Variants in ADGRL3 observed in about 807,000 individuals in gnomAD.
The protein encoded by ADGRL3 is calcium-independent alpha-latrotoxin receptor 3.
A neutral mutation model predicts 153.5 loss-of-function variants in ADGRL3; 62 were observed. That is an observed-to-expected ratio of 0.40 (90% CI 0.33 to 0.50). ADGRL3 has a LOEUF of 0.50. Among genes scored for constraint, ADGRL3 ranks in the 20% least tolerant of loss-of-function variants. The pLI is 0.47. For missense variants in ADGRL3, 1,641 were observed against 1,859.4 expected (o/e 0.88, Z 2.16); for synonymous variants, 710 against 672.5 (o/e 1.06, Z -0.86).
At chr4:61,916,442 C>T (rs1355100926) in intron 13 of ADGRL3, among the ~76,000 whole-genome samples, 1 of 151,532 alleles carries the variant, frequency 6.6e-6, no homozygotes, top group Non-Finnish European at 1.5e-5. Flanking sequence ...CGAATATAGC[C>T]TGGGGAGCAT....
At chr4:61,933,588 A>T (rs1165743654) in intron 13 of ADGRL3, among the ~76,000 whole-genome samples, 1 of 152,304 alleles carries the variant, frequency 6.6e-6, no homozygotes, top group East Asian at 1.9e-4. Context: ...AGTGATGTTG[A>T]TTTTTGGCCA....
At chr4:61,764,050 T>A (rs182558642) in intron 8 of ADGRL3, among the ~76,000 whole-genome samples, 105 of 152,348 alleles carry the variant, frequency 6.9e-4, no homozygotes, top group African/African-American at 2.3e-3. Context: ...TGAAAACTTT[T>A]CACATTCTGT....
intron 17 of ADGRL3, among the ~76,000 whole-genome samples, chr4:61,964,947 A>T (rs1206876399): frequency 6.6e-6 from 1 of 152,074 alleles, no homozygotes; most frequent in East Asian, 1.9e-4. Flanking sequence ...TTTGTTCCAG[A>T]TCACAAAATT....
intron 1 of ADGRL3, among the ~76,000 whole-genome samples, chr4:61,344,953 A>ATT (rs765250878): frequency 5.1e-5 from 7 of 138,228 alleles, no homozygotes; most frequent in African/African-American, 8.0e-5. Context: ...TGCCTGGCTA[A>ATT]TTTTTTTTTT....
intron 2 of ADGRL3, among the ~76,000 whole-genome samples, chr4:61,417,545 G>A (rs765476822): frequency 4.2e-4 from 64 of 150,800 alleles, no homozygotes; most frequent in African/African-American, 1.4e-3. Flanking sequence ...GAGGTCCTTC[G>A]CCATAGACAG....
chr4:61,508,405 C>G (rs2098443593), intron 3 of ADGRL3, among the ~76,000 whole-genome samples: 1 of 152,118 alleles, frequency 6.6e-6, no homozygotes, highest in South Asian at 2.1e-4. Flanking sequence ...TTACTATTCT[C>G]AGCGTATTTT....
intron 9 of ADGRL3, among the ~76,000 whole-genome samples, chr4:61,872,109 C>T (rs990053226): frequency 6.6e-6 from 1 of 152,060 alleles, no homozygotes; most frequent in East Asian, 1.9e-4. Context: ...GTATGTTTAG[C>T]GAAAATTTGA....
intron 1 of ADGRL3, among the ~76,000 whole-genome samples, chr4:61,263,867 T>C (rs559037534): frequency 2.5e-4 from 38 of 151,924 alleles, no homozygotes; most frequent in Non-Finnish European, 4.3e-4. Flanking sequence ...ATAGATAAAA[T>C]AGGCTATGTT....
At chr4:61,492,181 G>A (rs2098266030) in intron 2 of ADGRL3, among the ~76,000 whole-genome samples, 1 of 151,928 alleles carries the variant, frequency 6.6e-6, no homozygotes, top group Non-Finnish European at 1.5e-5. Flanking sequence ...AGAAAACATT[G>A]GCCTCCAAAA....
In ADGRL3 at chr4:62,071,476, T is replaced by G. The variant is rs1745640386; in HGVS notation, c.*568T>G. The G allele has an allele frequency of 5.9e-6, 1 of 170,808 alleles. No individual in the cohort carries two copies. The highest frequency in any genetic ancestry group is 1.3e-5 in the Non-Finnish European group (1 of 79,802). 10.6% of individuals were successfully genotyped at this position (170,808 alleles called of 1,614,324 possible). On this transcript the variant is annotated 3_prime_UTR_variant, in exon 27 of 27. Coordinates refer to ENST00000683033, the MANE Select transcript of ADGRL3 (RefSeq NM_001387552.1). Reference sequence around the variant, plus strand: ...AATGAAATGGAGGGGAATTCTAGAATTATATGCTAAATGCATATTTTATGA... The same window carrying G: ...AATGAAATGGAGGGGAATTCTAGAAGTATATGCTAAATGCATATTTTATGA...
At chr4:61,455,090 T>G (rs2097719338) in intron 2 of ADGRL3, among the ~76,000 whole-genome samples, 1 of 152,134 alleles carries the variant, frequency 6.6e-6, no homozygotes, top group East Asian at 1.9e-4. Context: ...TGGCTTTCCC[T>G]TTTTTGGACC....
At chr4:61,357,468 A>G (rs1386093407) in intron 1 of ADGRL3, among the ~76,000 whole-genome samples, 2 of 152,154 alleles carry the variant, frequency 1.3e-5, no homozygotes, top group Non-Finnish European at 2.9e-5. Flanking sequence ...CAAGTTAACC[A>G]AATCCTAAAA....
At chr4:61,804,365 A>T (rs1372921685) in intron 8 of ADGRL3, among the ~76,000 whole-genome samples, 1 of 152,182 alleles carries the variant, frequency 6.6e-6, no homozygotes, top group Non-Finnish European at 1.5e-5. Context: ...GATCACTTGG[A>T]TTGATGAAAC....
At chr4:61,841,293 A>G (rs533429639) in intron 9 of ADGRL3, among the ~76,000 whole-genome samples, 2 of 138,776 alleles carry the variant, frequency 1.4e-5, no homozygotes, top group Admixed American at 1.5e-4. Context: ...GGTTATTCCA[A>G]TAAGCTGGAG....
At chr4:61,998,742 A>AT (rs1420699828) in intron 21 of ADGRL3, among the ~76,000 whole-genome samples, 2 of 151,552 alleles carry the variant, frequency 1.3e-5, no homozygotes, top group African/African-American at 4.8e-5. Flanking sequence ...TGCCCTGCTA[A>AT]TTTTTTTGTA....
intron 24 of ADGRL3, among the ~76,000 whole-genome samples, chr4:62,039,055 T>C (rs1431094502): frequency 6.6e-6 from 1 of 152,176 alleles, no homozygotes; most frequent in Non-Finnish European, 1.5e-5. Flanking sequence ...GCTCAACCTA[T>C]ATATCTAATT....
rs188582928 is a variant in ADGRL3 at position 61,678,426 on chromosome 4, T to A, written c.583+1491T>A. Among the ~76,000 whole-genome samples, 115 of 152,158 alleles carry A rather than the reference T, an allele frequency of 7.6e-4. 1 individual carries two copies. The highest frequency in any genetic ancestry group is 2.6e-3 in the African/African-American group (106 of 41,564). On this transcript the variant is annotated intron_variant, in intron 6 of 26. Coordinates refer to ENST00000683033, the MANE Select transcript of ADGRL3 (RefSeq NM_001387552.1). Reference sequence around the variant, plus strand: ...TTTTAATTAAAGAATTTCACGGCTGTCTCTTCAATTTCCTGTATTACTTTA... The same window carrying A: ...TTTTAATTAAAGAATTTCACGGCTGACTCTTCAATTTCCTGTATTACTTTA...
intron 10 of ADGRL3, among the ~76,000 whole-genome samples, 171 bp downstream of exon 10, chr4:61,893,129 C>T (rs13151119): frequency 1.4e-5 from 2 of 139,298 alleles, no homozygotes; most frequent in Non-Finnish European, 3.1e-5. Flanking sequence ...CTCTCTTTCT[C>T]TCTTTCTTTC....
At chr4:61,893,384 C>G (rs1355995093) in intron 10 of ADGRL3, among the ~76,000 whole-genome samples, 1 of 152,070 alleles carries the variant, frequency 6.6e-6, no homozygotes, top group East Asian at 1.9e-4. Flanking sequence ...CTCAGCTTTT[C>G]TATACAGCAG....
Sources: gnomAD v4.1 joint callset for allele counts (sites outside exome capture counted in the v4.1 genomes callset) on GRCh38, gnomAD v4.1.1 for gene constraint, MANE v1.5 for transcripts, NCBI Gene and HGNC (gene_info 2026-07-23, HGNC 2026-07-21) for gene names.